Variants in TECRL observed in about 807,000 individuals in gnomAD.
TECRL encodes trans-2,3-enoyl-CoA reductase-like.
In TECRL, 63 loss-of-function variants were observed where a neutral mutation model predicts 52.8. The observed-to-expected ratio is 1.19, with a 90% CI of 0.97 to 1.47. TECRL has a LOEUF of 1.47. Among genes scored for constraint, TECRL ranks in the 40% most tolerant of loss-of-function variants. The pLI is 0.00. For synonymous variants in TECRL, 164 were observed against 141.9 expected, an observed-to-expected ratio of 1.16 and a Z score of -1.10; for missense variants, 482 against 429.6, an observed-to-expected ratio of 1.12 and a Z score of -1.08.
intron 3 of TECRL, among the ~76,000 whole-genome samples, chr4:64,325,509 A>G (rs1382696439): frequency 6.6e-6 from 1 of 152,168 alleles, no homozygotes; most frequent in Non-Finnish European, 1.5e-5. Context: ...AAGCCATAAT[A>G]TGGCTTCAAT....
chr4:64,317,105 C>A (rs1469091046), intron 4 of TECRL, among the ~76,000 whole-genome samples: 1 of 151,968 alleles, frequency 6.6e-6, no homozygotes, highest in African/African-American at 2.4e-5. Flanking sequence ...GGTGAAACCC[C>A]GTCTCTACTA....
chr4:64,391,797 T>C (rs1308267050), intron 1 of TECRL, among the ~76,000 whole-genome samples: 2 of 151,882 alleles, frequency 1.3e-5, no homozygotes, highest in South Asian at 4.1e-4. Flanking sequence ...AAATGAACTA[T>C]ATGACATTGA....
At chr4:64,321,777 T>G in intron 4 of TECRL, among the ~76,000 whole-genome samples, 1 of 152,168 alleles carries the variant, frequency 6.6e-6, no homozygotes, top group East Asian at 1.9e-4. Flanking sequence ...TAACACCTGC[T>G]ATTTTCCTCC....
At chr4:64,332,058 G>T (rs985750278) in intron 2 of TECRL, among the ~76,000 whole-genome samples, 7 of 152,070 alleles carry the variant, frequency 4.6e-5, no homozygotes, top group African/African-American at 1.7e-4. Context: ...AAGAATTAGG[G>T]AACCAAGATC....
At chr4:64,367,050 A>C (rs750244178) in intron 2 of TECRL, among the ~76,000 whole-genome samples, 1 of 152,166 alleles carries the variant, frequency 6.6e-6, no homozygotes, top group Non-Finnish European at 1.5e-5. Context: ...AGTACTATGC[A>C]GCCATAAAAA....
At chr4:64,373,363 A>G (rs1406205046) in intron 2 of TECRL, among the ~76,000 whole-genome samples, 1 of 151,810 alleles carries the variant, frequency 6.6e-6, no homozygotes, top group Non-Finnish European at 1.5e-5. Flanking sequence ...TATTGAAACT[A>G]ACTATACTAT....
intron 7 of TECRL, among the ~76,000 whole-genome samples, chr4:64,300,656 A>G (rs1429237410): frequency 2.0e-5 from 3 of 151,068 alleles, no homozygotes; most frequent in African/African-American, 4.8e-5. Flanking sequence ...CTATCATCAT[A>G]TTTATTAACA....
Position 64,375,201 on chromosome 4 carries a change from T to C in TECRL, c.257A>G (p.His86Arg). 7.1e-7 allele frequency: 1 copy of C among 1,405,578 alleles called. No individual in the cohort carries two copies. 87.1% of individuals were successfully genotyped at this position (1,405,578 alleles called of 1,614,324 possible). ...LDKVTQSSTI[H>R]DVKQKFHKAC... ...TTTGTGAAACTTTTGCTTAACATCA[T>C]GAATAGTAGATGATTGTGTCACCTG... Residue 86 changes from histidine to arginine, a missense_variant, in exon 2 of 12, where the codon CAT becomes CGT. By Grantham distance (29) the His-to-Arg change is conservative. Transcript: ENST00000381210.
intron 2 of TECRL, among the ~76,000 whole-genome samples, chr4:64,356,923 T>C (rs1720817644): frequency 6.6e-6 from 1 of 152,164 alleles, no homozygotes; most frequent in Non-Finnish European, 1.5e-5. Context: ...TACAGATGCA[T>C]TTGATAATTT....
At chr4:64,387,326 G>A (rs1171153312) in intron 1 of TECRL, among the ~76,000 whole-genome samples, 1 of 152,046 alleles carries the variant, frequency 6.6e-6, no homozygotes, top group East Asian at 1.9e-4. Context: ...AGACATCTTG[G>A]TTGTTTGCAA....
intron 8 of TECRL, among the ~76,000 whole-genome samples, chr4:64,290,277 A>T (rs17084629): frequency 6.7e-6 from 1 of 149,956 alleles, no homozygotes; most frequent in East Asian, 2.0e-4. Flanking sequence ...CCTCTTGATC[A>T]TATGCACTCT....
intron 2 of TECRL, among the ~76,000 whole-genome samples, chr4:64,370,480 A>T (rs1721900116): frequency 1.3e-5 from 2 of 150,384 alleles, no homozygotes; most frequent in African/African-American, 4.9e-5. Flanking sequence ...TTTCACAAGC[A>T]GAAAGTTTTT....
chr4:64,284,586 G>A (rs1245585252), intron 9 of TECRL, among the ~76,000 whole-genome samples: 1 of 151,980 alleles, frequency 6.6e-6, no homozygotes, highest in Non-Finnish European at 1.5e-5. Context: ...GGGATTAAAG[G>A]ACCCTTCCTC....
chr4:64,357,759 A>C (rs1720873597), intron 2 of TECRL, among the ~76,000 whole-genome samples: 1 of 151,534 alleles, frequency 6.6e-6, no homozygotes, highest in Non-Finnish European at 1.5e-5. Flanking sequence ...ATTTCTAAAT[A>C]AGCCATACAA....
At chr4:64,331,822 A>G (rs943801772) in intron 2 of TECRL, among the ~76,000 whole-genome samples, 1 of 152,156 alleles carries the variant, frequency 6.6e-6, no homozygotes, top group African/African-American at 2.4e-5. Context: ...GAAAGCAGAA[A>G]GATAAAGGGA....
chr4:64,392,133 C>T (rs1178918445), intron 1 of TECRL, among the ~76,000 whole-genome samples: 3 of 151,904 alleles, frequency 2.0e-5, no homozygotes, highest in Non-Finnish European at 4.4e-5. Context: ...GCAACATTGA[C>T]TGTTTCTAAG....
At chr4:64,319,399 A>T (rs1459282331) in intron 4 of TECRL, among the ~76,000 whole-genome samples, 1 of 151,850 alleles carries the variant, frequency 6.6e-6, no homozygotes, top group Non-Finnish European at 1.5e-5. Flanking sequence ...AAGTTGAAGG[A>T]TTCTTATATA....
chr4:64,306,456 T>G (rs1428335832), intron 6 of TECRL, among the ~76,000 whole-genome samples: 1 of 152,152 alleles, frequency 6.6e-6, no homozygotes, highest in African/African-American at 2.4e-5. Context: ...AGATTTCCAG[T>G]ATTTTATATC....
intron 1 of TECRL, among the ~76,000 whole-genome samples, chr4:64,378,950 T>A (rs1157290802): frequency 6.6e-6 from 1 of 151,734 alleles, no homozygotes; most frequent in Non-Finnish European, 1.5e-5. Flanking sequence ...AAACTATATG[T>A]ATATACATAT....
Sources: allele counts gnomAD v4.1 joint callset (sites outside exome capture counted in the v4.1 genomes callset), GRCh38; gene constraint gnomAD v4.1.1; transcripts MANE v1.5; gene names NCBI Gene and HGNC (gene_info 2026-07-23, HGNC 2026-07-21).